The following KCNH8 variants were observed in gnomAD, a reference collection of about 807,000 sequenced individuals.
The protein encoded by KCNH8 is potassium voltage-gated channel subfamily H member 8, also known as voltage-gated delayed rectifier potassium channel KCNH8.
KCNH8 carries 70 observed loss-of-function variants against 103.6 expected under a neutral mutation model. The observed-to-expected ratio is 0.68, with a 90% confidence interval of 0.56 to 0.82. The LOEUF (loss-of-function observed/expected upper bound fraction) is 0.82. Among genes scored for constraint, KCNH8 ranks in the 40% least tolerant of loss-of-function variants. The probability of loss-of-function intolerance (pLI) is 0.00; values close to 1 mark genes in which losing one functional copy is unlikely to be tolerated. For missense variants in KCNH8, 1,217 were observed against 1,329.9 expected, an observed-to-expected ratio of 0.92 and a Z score of 1.32; for synonymous variants, 498 against 489.4, an observed-to-expected ratio of 1.02 and a Z score of -0.23.
intron 11 of KCNH8, among the ~76,000 whole-genome samples, chr3:19,489,619 T>C (rs985311577): frequency 6.6e-6 from 1 of 152,128 alleles, no homozygotes; most frequent in Non-Finnish European, 1.5e-5. Context: ...ATAGTCTCCC[T>C]TAAATCCTGT....
At chr3:19,507,267 C>T (rs986862977) in intron 11 of KCNH8, among the ~76,000 whole-genome samples, 1 of 152,210 alleles carries the variant, frequency 6.6e-6, no homozygotes, top group African/African-American at 2.4e-5. Context: ...AGCAGAACCA[C>T]TGCTGTGGCA....
chr3:19,391,536 A>G (rs537676790), intron 6 of KCNH8, among the ~76,000 whole-genome samples: 1 of 152,230 alleles, frequency 6.6e-6, no homozygotes, highest in East Asian at 1.9e-4. Context: ...TTAAAGGCAT[A>G]GTTTTAAATA....
chr3:19,380,249 C>A (rs772133810), intron 5 of KCNH8, among the ~76,000 whole-genome samples: 1 of 152,120 alleles, frequency 6.6e-6, no homozygotes, highest in Non-Finnish European at 1.5e-5. Flanking sequence ...AAAAACAAAA[C>A]TTTAAACATG....
intron 3 of KCNH8, among the ~76,000 whole-genome samples, chr3:19,299,966 G>T (rs2065044756): frequency 6.6e-6 from 1 of 151,908 alleles, no homozygotes; most frequent in South Asian, 2.1e-4. Context: ...AAGAAAATAT[G>T]GGCCAGGCAT....
chr3:19,202,762 T>C (rs1353629274), intron 1 of KCNH8, among the ~76,000 whole-genome samples: 1 of 152,114 alleles, frequency 6.6e-6, no homozygotes, highest in East Asian at 1.9e-4. Flanking sequence ...GAATCAACCC[T>C]TTTGGCTTCA....
rs563000437 is a variant in KCNH8 at position 19,454,967 on chromosome 3, A to G, written c.1826-1801A>G. On this transcript the variant is annotated intron_variant, in intron 10 of 15. Coordinates refer to ENST00000328405, the MANE Select transcript of KCNH8 (RefSeq NM_144633.3). ...TTTCCCTATAGCAATATTGCCTTAT[A>G]GGGCTAATTCAAATCAATAATACTT... 2.6e-5 allele frequency among the ~76,000 whole-genome samples: 4 copies of G among 152,322 alleles called. No homozygotes were observed. The South Asian group carries it at 8.3e-4, about 32-fold the overall frequency.
intron 6 of KCNH8, among the ~76,000 whole-genome samples, chr3:19,392,299 T>A: frequency 7.6e-6 from 1 of 130,786 alleles, no homozygotes; most frequent in East Asian, 2.1e-4. Flanking sequence ...TAATACAAGG[T>A]ATAGGGCAAC....
intron 11 of KCNH8, among the ~76,000 whole-genome samples, chr3:19,464,512 A>T (rs1255035777): frequency 6.6e-6 from 1 of 152,180 alleles, no homozygotes; most frequent in East Asian, 1.9e-4. Context: ...GACTGTAATA[A>T]CAATAAAGGA....
Position 19,148,733 on chromosome 3 carries a change from A to T in KCNH8, c.14A>T (p.Lys5Ile). The T allele has an allele frequency of 1.2e-6, 2 of 1,614,104 alleles. No homozygotes were observed. Among genetic ancestry groups the T allele is most frequent in the Non-Finnish European group, 1.7e-6 (2 of 1,179,988 alleles). Residue 5 changes from lysine to isoleucine, a missense_variant, in exon 1 of 16, where the codon AAA becomes ATA. By Grantham distance (102) the Lys-to-Ile change is moderately radical. Transcript: ENST00000328405. ...CACGCTGGAAAAATGCCGGTTATGAAAGGATTACTGGCGCCGCAAAACACC... is the reference window on the plus strand; with the variant it reads ...CACGCTGGAAAAATGCCGGTTATGATAGGATTACTGGCGCCGCAAAACACC... MPVM[K>I]GLLAPQNTFL...
intron 1 of KCNH8, among the ~76,000 whole-genome samples, chr3:19,180,216 T>C (rs2063437565): frequency 6.7e-6 from 1 of 149,928 alleles, no homozygotes; most frequent in African/African-American, 2.4e-5. Context: ...GTGAAGGCGA[T>C]CTGGCATGAC....
intron 3 of KCNH8, among the ~76,000 whole-genome samples, chr3:19,321,658 T>C (rs1328424136): frequency 6.6e-6 from 1 of 152,066 alleles, no homozygotes; most frequent in Non-Finnish European, 1.5e-5. Flanking sequence ...ATTATGCAGT[T>C]GTTGGGTAGA....
chr3:19,206,168 G>GTGTATATATATATATATATA (rs979868166), intron 1 of KCNH8, among the ~76,000 whole-genome samples: 1 of 139,262 alleles, frequency 7.2e-6, no homozygotes, highest in African/African-American at 2.9e-5. Context: ...TGGTGTGTGT[G>GTGTATATATATATATATATA]TATATATATA....
At chr3:19,440,981 A>G (rs2067275232) in intron 8 of KCNH8, among the ~76,000 whole-genome samples, 1 of 152,116 alleles carries the variant, frequency 6.6e-6, no homozygotes, top group African/African-American at 2.4e-5. Context: ...CTTCTTCGCT[A>G]GCTGACCTCA....
At chr3:19,214,514 A>C (rs1274355361) in intron 1 of KCNH8, among the ~76,000 whole-genome samples, 6 of 152,178 alleles carry the variant, frequency 3.9e-5, no homozygotes, top group Non-Finnish European at 8.8e-5. Flanking sequence ...CTTTGACTTA[A>C]GGCAAGGACA....
chr3:19,450,458 T>C, intron 9 of KCNH8, 153 bp downstream of exon 9: 1 of 667,596 alleles, frequency 1.5e-6, no homozygotes, highest in South Asian at 1.9e-5. Context: ...TCCATCTTCT[T>C]TCACTTGCTT....
intron 11 of KCNH8, among the ~76,000 whole-genome samples, chr3:19,490,770 G>T (rs1332072697): frequency 2.6e-5 from 4 of 152,194 alleles, no homozygotes; most frequent in African/African-American, 7.2e-5. Context: ...AAGTGAGAGA[G>T]TTGGACTAAT....
intron 5 of KCNH8, among the ~76,000 whole-genome samples, chr3:19,357,698 C>T (rs1488163514): frequency 6.6e-6 from 1 of 151,816 alleles, no homozygotes; most frequent in Non-Finnish European, 1.5e-5. Context: ...TCTCTGATTG[C>T]TTTGGTCTCT....
chr3:19,351,493 G>A (rs1277482152), intron 5 of KCNH8, among the ~76,000 whole-genome samples: 1 of 152,052 alleles, frequency 6.6e-6, no homozygotes, highest in Non-Finnish European at 1.5e-5. Flanking sequence ...GAGAAAGGTC[G>A]GGTTACCCAC....
intron 11 of KCNH8, among the ~76,000 whole-genome samples, 196 bp from the exon 12 acceptor site, chr3:19,510,167 G>A (rs2068759354): frequency 6.6e-6 from 1 of 152,102 alleles, no homozygotes; most frequent in African/African-American, 2.4e-5. Flanking sequence ...AGGATAGGAT[G>A]AGGCAGTTGT....
Sources: allele counts gnomAD v4.1 joint callset (sites outside exome capture counted in the v4.1 genomes callset), GRCh38; gene constraint gnomAD v4.1.1; transcripts MANE v1.5; gene names NCBI Gene and HGNC (gene_info 2026-07-23, HGNC 2026-07-21).